TERB2: variants seen among roughly 807,000 people sequenced by gnomAD.
TERB2 encodes telomere repeat binding bouquet formation protein 2.
A neutral mutation model predicts 29.8 loss-of-function variants in TERB2; 26 were observed. That is an observed-to-expected ratio of 0.87 (90% CI 0.64 to 1.21). The LOEUF (loss-of-function observed/expected upper bound fraction) is 1.21. Among genes scored for constraint, TERB2 ranks in the 50% most tolerant of loss-of-function variants. The pLI is 0.00. For synonymous variants in TERB2, 80 were observed against 90.8 expected (o/e 0.88, Z 0.68); for missense variants, 240 against 268.6 (o/e 0.89, Z 0.74).
In TERB2 at chr15:44,956,941, T is replaced by A. The variant is rs1891725265; in HGVS notation, c.110T>A (p.Leu37Ter). ...AGTGACCCGCGAGCCGCCGACTTCT[T>A]GTTCAGCTGTGATGCCTCGCACCCA... ...TISDPRAADF[L>*]FSCDASHPDT... The change falls in exon 2 of 7, where the codon TTG (leucine) becomes TAG (stop). Residue 37 changes from leucine to a stop codon, truncating the protein, a stop_gained. Transcript: ENST00000340827. LOFTEE classifies it high-confidence loss of function. 6.2e-7 allele frequency: 1 copy of A among 1,613,992 alleles called. No homozygotes were observed. The highest frequency in any genetic ancestry group is 8.5e-7 in the Non-Finnish European group (1 of 1,180,012).
At chr15:44,970,036 T>C (rs542780725) in intron 5 of TERB2, 1 of 152,002 alleles carries the variant, frequency 6.6e-6, no homozygotes, top group South Asian at 2.1e-4. Context: ...GAGTTAAGTC[T>C]TATAAAGGAA....
At chr15:44,976,924 T>G (rs1269977507) in intron 6 of TERB2, among the ~76,000 whole-genome samples, 1 of 152,120 alleles carries the variant, frequency 6.6e-6, no homozygotes, top group Non-Finnish European at 1.5e-5. Flanking sequence ...AACTCTAAGA[T>G]GTAAAACTTA....
At chr15:44,959,061 T>G (rs1891763885) in intron 3 of TERB2, among the ~76,000 whole-genome samples, 1 of 152,154 alleles carries the variant, frequency 6.6e-6, no homozygotes, top group African/African-American at 2.4e-5. Flanking sequence ...AAAAATAAGA[T>G]AATGTATTAA....
chr15:44,958,345 C>G lies in TERB2; in HGVS notation c.147-28C>G, dbSNP rs772675461. 94 of 1,577,104 alleles carry G rather than the reference C, an allele frequency of 6.0e-5. 2 individuals carry two copies. In the Admixed American group the frequency reaches 1.8e-3, roughly 30 times the overall value. ...AAATACATTCTTGTTTCTTTCATAA[C>G]CTAAAATATTTCCTTTCTTTCTCCT... is the stretch of plus-strand genomic sequence containing the variant. On this transcript the variant is annotated intron_variant, in intron 2 of 6. Coordinates refer to ENST00000340827, the MANE Select transcript of TERB2 (RefSeq NM_152448.3).
intron 2 of TERB2, among the ~76,000 whole-genome samples, chr15:44,957,404 A>AG (rs781021326): frequency 2.0e-4 from 30 of 151,982 alleles, no homozygotes; most frequent in Non-Finnish European, 4.1e-4. Flanking sequence ...CTCTTCCTGA[A>AG]TTCCAAGTGT....
intron 5 of TERB2, chr15:44,973,629 GA>G (rs1284800242): frequency 5.2e-6 from 1 of 190,564 alleles, no homozygotes; most frequent in African/African-American, 2.4e-5. Flanking sequence ...GCGCAAGGAT[GA>G]CAAGCAAATT....
rs558759052 is a variant in TERB2 at position 44,956,739 on chromosome 15, T to G, written c.21T>G (p.Gly7=). 1.6e-5 allele frequency: 26 copies of G among 1,611,652 alleles called. No homozygotes were observed. Among genetic ancestry groups the G allele is most frequent in the Non-Finnish European group, 2.1e-5 (25 of 1,179,122 alleles). The part of the protein sequence containing the change: MFQGQR[G]WFCGSVSQDL... The stretch of plus-strand genomic sequence containing the variant: ...ACGCCATGTTTCAAGGGCAGCGCGG[T>G]TGGTTTTGCGGCAGCGTTAGCCAGG... The change falls in exon 1 of 7, where the codon GGT becomes GGG. Residue 7 remains glycine, a synonymous_variant. Coordinates refer to ENST00000340827, the MANE Select transcript of TERB2 (RefSeq NM_152448.3).
chr15:44,959,897 C>T (rs1000766533), intron 3 of TERB2, among the ~76,000 whole-genome samples: 4 of 152,162 alleles, frequency 2.6e-5, no homozygotes, highest in African/African-American at 9.7e-5. Flanking sequence ...AAAATTATTT[C>T]TATAAAAGAG....
intron 4 of TERB2, among the ~76,000 whole-genome samples, chr15:44,963,811 T>A: frequency 7.1e-6 from 1 of 140,668 alleles, no homozygotes; most frequent in Admixed American, 7.1e-5. Flanking sequence ...ATTCTTTTTT[T>A]TTTTTTTTTT....
chr15:44,975,253 A>G (rs543687855), intron 6 of TERB2, among the ~76,000 whole-genome samples: 2 of 152,118 alleles, frequency 1.3e-5, no homozygotes, highest in South Asian at 4.1e-4. Context: ...TTCTTGGGAG[A>G]AATCTTCATT....
At chr15:44,963,637 T>C (rs1027070555) in intron 4 of TERB2, among the ~76,000 whole-genome samples, 6 of 151,718 alleles carry the variant, frequency 4.0e-5, no homozygotes, top group Non-Finnish European at 5.9e-5. Flanking sequence ...AAACAATGTA[T>C]ATTTTTAGAA....
intron 4 of TERB2, 144 bp downstream of exon 4, chr15:44,961,728 C>T: frequency 1.8e-6 from 1 of 548,868 alleles, no homozygotes; most frequent in Non-Finnish European, 3.1e-6. Flanking sequence ...GAGACGGAGT[C>T]TCACTCTGTC....
chr15:44,959,169 A>T (rs1274442051), intron 3 of TERB2, among the ~76,000 whole-genome samples: 1 of 152,166 alleles, frequency 6.6e-6, no homozygotes, highest in African/African-American at 2.4e-5. Flanking sequence ...AAGATTGGTT[A>T]TGATAATAAA....
chr15:44,966,010 C>G (rs539425712), intron 4 of TERB2, 148 bp from the exon 5 acceptor site: 2 of 400,878 alleles, frequency 5.0e-6, no homozygotes, highest in African/African-American at 4.2e-5. Context: ...TTTCTTCACT[C>G]AGCTAGATTG....
rs538168254 is a variant in TERB2 at position 44,956,754 on chromosome 15, C to T, written c.36C>T (p.Ser12=). ...FQGQRGWFCG[S]VSQDLRQFWV... Reference sequence around the variant, plus strand: ...GGCAGCGCGGTTGGTTTTGCGGCAGCGTTAGCCAGGATCTGAGGCAATTCT... The same window carrying T: ...GGCAGCGCGGTTGGTTTTGCGGCAGTGTTAGCCAGGATCTGAGGCAATTCT... Residue 12 remains serine, a synonymous_variant, in exon 1 of 7, where the codon AGC becomes AGT. Transcript: ENST00000340827. 93 of 1,613,454 alleles carry T rather than the reference C, an allele frequency of 5.8e-5. 1 individual carries two copies. In the Middle Eastern group the frequency reaches 9.9e-4, roughly 17 times the overall value.
chr15:44,960,411 G>C (rs1458531438), intron 3 of TERB2, among the ~76,000 whole-genome samples: 1 of 152,080 alleles, frequency 6.6e-6, no homozygotes, highest in Non-Finnish European at 1.5e-5. Context: ...GGCTGAGATG[G>C]GAGGATCCCT....
At chr15:44,963,735 C>A (rs1891840417) in intron 4 of TERB2, among the ~76,000 whole-genome samples, 1 of 149,348 alleles carries the variant, frequency 6.7e-6, no homozygotes, top group Non-Finnish European at 1.5e-5. Flanking sequence ...AGAGGAGGCA[C>A]TCAAGGTGTC....
At chr15:44,964,526 A>G (rs1349602334) in intron 4 of TERB2, among the ~76,000 whole-genome samples, 1 of 152,124 alleles carries the variant, frequency 6.6e-6, no homozygotes, top group East Asian at 1.9e-4. Flanking sequence ...AGCTTTATAC[A>G]TGAGAAAACT....
At chr15:44,971,560 C>T (rs977950106) in intron 5 of TERB2, among the ~76,000 whole-genome samples, 6 of 152,074 alleles carry the variant, frequency 3.9e-5, no homozygotes, top group African/African-American at 1.4e-4. Context: ...TTGAGACCAT[C>T]CTGGCAAACA....
Sources: allele counts gnomAD v4.1 joint callset (sites outside exome capture counted in the v4.1 genomes callset), GRCh38; gene constraint gnomAD v4.1.1; transcripts MANE v1.5; gene names NCBI Gene and HGNC (gene_info 2026-07-23, HGNC 2026-07-21).